Variants in SIDT2 observed in about 807,000 individuals in gnomAD.
SIDT2 encodes SID1 transmembrane family, member 2.
Under a neutral mutation model 114.4 loss-of-function variants are expected in SIDT2, and 68 were observed. The ratio of observed to expected loss-of-function variants is 0.59; its 90% CI spans 0.49 to 0.73. The LOEUF (loss-of-function observed/expected upper bound fraction) is 0.73, where lower values mean the gene tolerates loss of function less well. Ranked by LOEUF, SIDT2 falls within the 30% of genes least tolerant of loss-of-function variation. SIDT2 has a pLI of 0.00. For synonymous variants in SIDT2, 470 were observed against 438.4 expected (o/e 1.07, Z -0.90); for missense variants, 918 against 1,097.1 (o/e 0.84, Z 2.31).
intron 10 of SIDT2, chr11:117,186,886 C>G (rs1555036942): frequency 5.9e-6 from 8 of 1,352,550 alleles, no homozygotes; most frequent in Non-Finnish European, 2.0e-6. Flanking sequence ...CTGCCTTGGG[C>G]AGTGTGGCCC....
chr11:117,195,174 C>G (rs2030855155), intron 24 of SIDT2, among the ~76,000 whole-genome samples: 1 of 136,726 alleles, frequency 7.3e-6, no homozygotes, highest in Non-Finnish European at 1.5e-5. Context: ...AGTAATGATA[C>G]AGGGGCAGAT....
rs7928456 is a variant in SIDT2 at position 117,180,947 on chromosome 11, T to A, written c.184-469T>A. ...CCTTCAATACCTACCCCTCCTCAAC[T>A]CCTCTGGGCTCTGGCCCCAGGTTAG... On this transcript the variant is annotated intron_variant, in intron 1 of 25. Transcript: ENST00000324225. 8.2e-3 allele frequency among the ~76,000 whole-genome samples: 1,247 copies of A among 152,236 alleles called. 17 individuals are homozygous for A. Among genetic ancestry groups the A allele is most frequent in the African/African-American group, 0.029 (1,214 of 41,530 alleles).
In SIDT2 at chr11:117,192,384, G is replaced by C. The variant is rs753932325; in HGVS notation, c.1981+22G>C. On this transcript the variant is annotated intron_variant, in intron 20 of 25. Coordinates refer to ENST00000324225, the MANE Select transcript of SIDT2 (RefSeq NM_001040455.2). The surrounding 1 kb of genome is among the most constrained non-coding windows in gnomAD (Gnocchi z 5.9). ...CTGGGTAAGGGCACGCCCGGGGCAG[G>C]GCCTGGGGGAGGGGTCTGGGGGGCC... 3 of 1,512,224 alleles carry C rather than the reference G, an allele frequency of 2.0e-6. No individual in the cohort carries two copies. The highest frequency in any genetic ancestry group is 1.8e-6 in the Non-Finnish European group (2 of 1,089,180). 93.7% of individuals were successfully genotyped at this position (1,512,224 alleles called of 1,614,324 possible).
In SIDT2 at chr11:117,186,112, C is replaced by T; in HGVS notation, c.869-18C>T. 5 of 1,612,460 alleles carry T rather than the reference C, an allele frequency of 3.1e-6. No homozygotes were observed. Among genetic ancestry groups the T allele is most frequent in the Non-Finnish European group, 4.2e-6 (5 of 1,178,628 alleles). On this transcript the variant is annotated intron_variant, in intron 8 of 25. Coordinates refer to ENST00000324225, the MANE Select transcript of SIDT2 (RefSeq NM_001040455.2). ...TGGAAGGTTTTGACCTGTCCACCTT[C>T]CTGTTTCCTCCTTGAAGCTGAGGCA...
chr11:117,185,903 A>T, intron 8 of SIDT2: 1 of 397,996 alleles, frequency 2.5e-6, no homozygotes. Flanking sequence ...AAAGTAGAAG[A>T]GAAAGTTCTA....
Position 117,189,253 on chromosome 11 carries a change from T to G in SIDT2, c.1352+11T>G. 6.2e-7 allele frequency: 1 copy of G among 1,614,190 alleles called. No homozygotes were observed. Among genetic ancestry groups the G allele is most frequent in the Non-Finnish European group, 8.5e-7 (1 of 1,179,986 alleles). ...CCAGATCTACTTCTGGTGAGTGGGC[T>G]GAGTGTCTGGGGCTCTGCTGTTGGT... On this transcript the variant is annotated intron_variant, in intron 14 of 25. Coordinates refer to ENST00000324225, the MANE Select transcript of SIDT2 (RefSeq NM_001040455.2).
chr11:117,191,245 T>C (rs499713), intron 18 of SIDT2: 115,620 of 152,256 alleles, frequency 0.76, 44,509 homozygotes, highest in Non-Finnish European at 0.82. Flanking sequence ...CCCTGCGCTC[T>C]AGCCTGGGCA....
intron 18 of SIDT2, chr11:117,191,514 G>A: frequency 4.6e-6 from 1 of 216,380 alleles, no homozygotes; most frequent in South Asian, 7.7e-5. Context: ...AGCCCAGGAA[G>A]CGGAGGTTGC....
chr11:117,184,976 C>G (rs1460240133), intron 8 of SIDT2, among the ~76,000 whole-genome samples: 1 of 151,942 alleles, frequency 6.6e-6, no homozygotes, highest in East Asian at 1.9e-4. Context: ...ATCCGCCCAC[C>G]TTGGCCTCCC....
At chr11:117,183,665 T>A in intron 6 of SIDT2, 114 bp from the exon 7 acceptor site, 1 of 792,592 alleles carries the variant, frequency 1.3e-6, no homozygotes, top group Non-Finnish European at 2.0e-6. Flanking sequence ...TTGTGAGGAT[T>A]AAGTAAAATA....
At chr11:117,183,969 C>A in intron 7 of SIDT2, 91 bp downstream of exon 7, 1 of 1,508,082 alleles carries the variant, frequency 6.6e-7, no homozygotes, top group Non-Finnish European at 9.2e-7. Context: ...ATTGGTGGAC[C>A]TGATAGGACA....
chr11:117,187,740 G>A lies in SIDT2; in HGVS notation c.1159+41G>A, dbSNP rs758708485. 55 of 1,592,776 alleles carry A rather than the reference G, an allele frequency of 3.5e-5. 1 individual carries two copies. Among genetic ancestry groups the A allele is most frequent in the Middle Eastern group, 1.7e-4 (1 of 6,054 alleles). Reference sequence around the variant, plus strand: ...TGGGAGGGGCGGTGTGGTGCAGGACGGTGTTGTCTGGGTAAAATGTCACGG... The same window carrying A: ...TGGGAGGGGCGGTGTGGTGCAGGACAGTGTTGTCTGGGTAAAATGTCACGG... On this transcript the variant is annotated intron_variant, in intron 12 of 25. Coordinates refer to ENST00000324225, the MANE Select transcript of SIDT2 (RefSeq NM_001040455.2).
At chr11:117,194,728 C>T (rs1004565573) in intron 24 of SIDT2, among the ~76,000 whole-genome samples, 3 of 152,182 alleles carry the variant, frequency 2.0e-5, no homozygotes, top group African/African-American at 7.2e-5. Context: ...ACTAACGGGT[C>T]TCTCCGAGTT....
At chr11:117,187,942 T>C (rs1310941327) in intron 12 of SIDT2, 7 of 675,204 alleles carry the variant, frequency 1.0e-5, no homozygotes, top group Non-Finnish European at 1.9e-5. Context: ...GCGGCAGCTG[T>C]GCATTGCCAT....
rs1055863035 is a variant in SIDT2 at position 117,178,987 on chromosome 11, G to T, written c.-277G>T. ...CTGGCCCGGGGCTCCAGGGTCTCAG[G>T]TCGTACTCAGCCCCTCGCGAGCTGG... On this transcript the variant is annotated 5_prime_UTR_variant, in exon 1 of 26. Coordinates refer to ENST00000324225, the MANE Select transcript of SIDT2 (RefSeq NM_001040455.2). 5.7e-5 allele frequency: 27 copies of T among 476,594 alleles called. No homozygotes were observed. The highest frequency in any genetic ancestry group is 3.4e-4 in the Admixed American group (9 of 26,262). 29.5% of individuals were successfully genotyped at this position (476,594 alleles called of 1,614,324 possible). A position where few individuals can be genotyped will look rare whatever the true frequency, so the allele number is the denominator to read the frequency against.
chr11:117,190,055 C>T lies in SIDT2; in HGVS notation c.1493+30C>T, dbSNP rs1425674292. The T allele has an allele frequency of 3.1e-6, 5 of 1,613,926 alleles. No homozygotes were observed. The highest frequency in any genetic ancestry group is 1.3e-5 in the African/African-American group (1 of 74,908). On this transcript the variant is annotated intron_variant, in intron 16 of 25. Coordinates refer to ENST00000324225, the MANE Select transcript of SIDT2 (RefSeq NM_001040455.2). This position sits in a 1 kb window ranked among gnomAD's most constrained non-coding sequence, Gnocchi z 4.1. The stretch of plus-strand genomic sequence containing the variant: ...GGGTCATGCTGGGAGGCCCCTTGTC[C>T]AGGCCAAGGGTGAAATGGGGCAGGG...
At chr11:117,185,803 G>A in intron 8 of SIDT2, 1 of 233,882 alleles carries the variant, frequency 4.3e-6, no homozygotes. Context: ...GAGCCTAGGA[G>A]TTGGAGGCTG....
intron 24 of SIDT2, 49 bp downstream of exon 24, chr11:117,194,012 T>C (rs1331309001): frequency 6.9e-6 from 10 of 1,454,712 alleles, no homozygotes; most frequent in Non-Finnish European, 9.6e-6. Context: ...TGGCCAGTCC[T>C]CTTTTTAAAC....
In SIDT2 at chr11:117,192,566, CT is replaced by C; in HGVS notation, c.1982-6del. On this transcript the variant is annotated splice_polypyrimidine_tract_variant and splice_region_variant and intron_variant, in intron 20 of 25. Transcript: ENST00000324225. This position sits in a 1 kb window ranked among gnomAD's most constrained non-coding sequence, Gnocchi z 5.9. Reference sequence around the variant, plus strand: ...GTGCCTGTCAGCACCACTCCCTTCTCTTCGCAGACTCGGGGATCTTCCGCCG... The same window carrying C: ...GTGCCTGTCAGCACCACTCCCTTCTCTCGCAGACTCGGGGATCTTCCGCCG... 1 of 1,607,938 alleles carries C rather than the reference CT, an allele frequency of 6.2e-7. No individual in the cohort carries two copies. The highest frequency in any genetic ancestry group is 1.1e-5 in the South Asian group (1 of 91,082).
Sources: allele counts gnomAD v4.1 joint callset (sites outside exome capture counted in the v4.1 genomes callset), GRCh38; gene constraint gnomAD v4.1.1; non-coding constraint Gnocchi (gnomAD v3.1); transcripts MANE v1.5; gene names NCBI Gene and HGNC (gene_info 2026-07-23, HGNC 2026-07-21).